GFPT1: variants seen among roughly 807,000 people sequenced by gnomAD.
GFPT1 encodes the protein glutamine--fructose-6-phosphate aminotransferase [isomerizing] 1.
In GFPT1, 40 loss-of-function variants were observed where a neutral mutation model predicts 92.0. That is an observed-to-expected ratio of 0.43 (90% CI 0.34 to 0.57). The LOEUF (loss-of-function observed/expected upper bound fraction) is 0.57. Ranked by LOEUF, GFPT1 falls within the 20% of genes least tolerant of loss-of-function variation. The pLI is 0.02. For missense variants in GFPT1, 448 were observed against 869.1 expected (o/e 0.52, Z 6.09); for synonymous variants, 269 against 280.6 (o/e 0.96, Z 0.41).
At position 69,324,552 on chromosome 2, in the gene GFPT1, C is replaced by T. The variant is rs1355025785; in HGVS notation, c.*1637G>A. On this transcript the variant is annotated 3_prime_UTR_variant, in exon 20 of 20. Coordinates refer to ENST00000357308, the MANE Select transcript of GFPT1 (RefSeq NM_001244710.2). ...TTTCTAGTCACCATGTATGAAAGTC[C>T]TTCCAAATTACCTCAAAATATAACA... The T allele has an allele frequency of 9.2e-5, 14 of 151,906 alleles. No homozygotes were observed. Among genetic ancestry groups the T allele is most frequent in the Admixed American group, 9.2e-4 (14 of 15,254 alleles). 9.4% of individuals were successfully genotyped at this position (151,906 alleles called of 1,614,324 possible).
chr2:69,381,877 T>TC (rs1672020020), intron 1 of GFPT1, among the ~76,000 whole-genome samples: 1 of 150,948 alleles, frequency 6.6e-6, no homozygotes, highest in African/African-American at 2.4e-5. Context: ...TTTTTTTTTT[T>TC]AATTGAGACA....
rs1375514592 is a variant in GFPT1 at position 69,378,626 on chromosome 2, T to G, written c.8-4513A>C. 2.6e-5 allele frequency among the ~76,000 whole-genome samples: 4 copies of G among 152,234 alleles called. No homozygotes were observed. In the East Asian group the frequency reaches 7.7e-4, roughly 29 times the overall value. On this transcript the variant is annotated intron_variant, in intron 1 of 19. Coordinates refer to ENST00000357308, the MANE Select transcript of GFPT1 (RefSeq NM_001244710.2). ...TTCAGAAGCAATCTGGATCACAGAC[T>G]AGACACACCTGGTTGAAAGCAATGT...
rs1005309983 is a variant in GFPT1, at chr2:69,358,265, A to T, written c.543+64T>A. ...AGCACAGTTCCTGCTTATCAAACTT[A>T]ATTTCCAGAAAGTTTCTCAGCATTA... On this transcript the variant is annotated intron_variant, in intron 6 of 19. Transcript: ENST00000357308. 4.3e-6 allele frequency: 6 copies of T among 1,402,660 alleles called. No homozygotes were observed. The African/African-American group carries it at 7.1e-5, about 16-fold the overall frequency. The allele number at this position is 1,402,660 out of a possible 1,614,324, so 86.9% of individuals were successfully genotyped here.
intron 13 of GFPT1, among the ~76,000 whole-genome samples, chr2:69,338,798 A>T (rs1391208396): frequency 3.8e-5 from 4 of 104,306 alleles, no homozygotes; most frequent in Admixed American, 9.4e-5. Context: ...CTATGTATAC[A>T]TTCCTTTTTT....
chr2:69,368,812 C>A (rs944013097), intron 3 of GFPT1, among the ~76,000 whole-genome samples: 1 of 152,052 alleles, frequency 6.6e-6, no homozygotes, highest in African/African-American at 2.4e-5. Context: ...ATTCTGTTCA[C>A]AATCTGCCTT....
chr2:69,376,753 A>G (rs1342781162), intron 1 of GFPT1, among the ~76,000 whole-genome samples: 1 of 152,238 alleles, frequency 6.6e-6, no homozygotes, highest in African/African-American at 2.4e-5. Context: ...AAAAGTAAAA[A>G]TGTAAGCCAG....
chr2:69,341,782 T>C (rs1670958969), intron 13 of GFPT1, among the ~76,000 whole-genome samples: 1 of 152,100 alleles, frequency 6.6e-6, no homozygotes, highest in Non-Finnish European at 1.5e-5. Flanking sequence ...GGTTCACACA[T>C]GATGCAGGCC....
intron 3 of GFPT1, among the ~76,000 whole-genome samples, chr2:69,368,432 AAAAC>A (rs1405723255): frequency 6.6e-6 from 1 of 152,104 alleles, no homozygotes; most frequent in Admixed American, 6.6e-5. Context: ...CTACACTTCA[AAAAC>A]AAACCAGTTG....
intron 15 of GFPT1, among the ~76,000 whole-genome samples, chr2:69,335,966 G>A (rs1456824983): frequency 6.6e-6 from 1 of 151,316 alleles, no homozygotes; most frequent in East Asian, 1.9e-4. Context: ...GGTCCAGGCT[G>A]CAGTAAGCCA....
intron 15 of GFPT1, among the ~76,000 whole-genome samples, chr2:69,331,073 C>T (rs1450171804): frequency 6.6e-6 from 1 of 152,192 alleles, no homozygotes; most frequent in East Asian, 1.9e-4. Flanking sequence ...CACAATCCTA[C>T]TGCCAAGACT....
chr2:69,356,599 A>T, intron 6 of GFPT1, 42 bp from the exon 7 acceptor site: 1 of 1,426,602 alleles, frequency 7.0e-7, no homozygotes, highest in Non-Finnish European at 9.9e-7. Flanking sequence ...TTAATCAATT[A>T]TCAAGTCAGA....
intron 3 of GFPT1, among the ~76,000 whole-genome samples, chr2:69,366,847 T>TAC (rs1234298767): frequency 6.6e-6 from 1 of 152,200 alleles, no homozygotes; most frequent in African/African-American, 2.4e-5. Flanking sequence ...TATCTTACCC[T>TAC]ACCTCTACTC....
intron 17 of GFPT1, among the ~76,000 whole-genome samples, chr2:69,328,860 C>A (rs560252052): frequency 6.6e-6 from 1 of 152,192 alleles, no homozygotes; most frequent in South Asian, 2.1e-4. Flanking sequence ...ATTACCACAT[C>A]CAGCTAATGT....
intron 15 of GFPT1, among the ~76,000 whole-genome samples, chr2:69,337,013 G>A (rs1257427174): frequency 6.7e-6 from 1 of 149,612 alleles, no homozygotes; most frequent in African/African-American, 2.5e-5. Context: ...GAAAGATATT[G>A]TCATACAATA....
At chr2:69,378,699 G>A (rs1361695947) in intron 1 of GFPT1, among the ~76,000 whole-genome samples, 4 of 152,090 alleles carry the variant, frequency 2.6e-5, no homozygotes, top group South Asian at 4.1e-4. Flanking sequence ...AAACTGACTC[G>A]TCAAATTATT....
At chr2:69,367,318 C>T (rs1217313546) in intron 3 of GFPT1, among the ~76,000 whole-genome samples, 1 of 151,760 alleles carries the variant, frequency 6.6e-6, no homozygotes, top group Non-Finnish European at 1.5e-5. Flanking sequence ...TACATATGCT[C>T]ATTCACTATC....
rs769260339 is a variant in GFPT1, at chr2:69,322,566, GAACT to G, written c.*3619_*3622del. Reference sequence around the variant, plus strand: ...AACTCCTTTATTACTCCCATCCTCAGAACTAACTCAAGACAAGAGATCTGTATTC... The same window carrying G: ...AACTCCTTTATTACTCCCATCCTCAGAACTCAAGACAAGAGATCTGTATTC... On this transcript the variant is annotated 3_prime_UTR_variant, in exon 20 of 20. Transcript: ENST00000357308. 2.6e-5 allele frequency: 4 copies of G among 152,092 alleles called. No individual in the cohort carries two copies. The highest frequency in any genetic ancestry group is 2.0e-4 in the Admixed American group (3 of 15,268). The allele number at this position is 152,092 out of a possible 1,614,324, so 9.4% of individuals were successfully genotyped here.
chr2:69,356,386 C>CTAATAAAGGGCAGAGCCTTTA, intron 7 of GFPT1, 110 bp downstream of exon 7: 1 of 811,648 alleles, frequency 1.2e-6, no homozygotes, highest in Non-Finnish European at 2.2e-6. Flanking sequence ...ATGAATATAT[C>CTAATAAAGGGCAGAGCCTTTA]TAATAAAGGG....
At chr2:69,341,502 C>T (rs770218386) in intron 13 of GFPT1, among the ~76,000 whole-genome samples, 4 of 152,062 alleles carry the variant, frequency 2.6e-5, no homozygotes, top group Non-Finnish European at 5.9e-5. Context: ...ATCCTAAAAG[C>T]AGAAATTGAA....
Sources: allele counts gnomAD v4.1 joint callset (sites outside exome capture counted in the v4.1 genomes callset), GRCh38; gene constraint gnomAD v4.1.1; transcripts MANE v1.5; gene names NCBI Gene and HGNC (gene_info 2026-07-23, HGNC 2026-07-21).